ARNT2: variants seen among roughly 807,000 people sequenced by gnomAD.
The protein encoded by ARNT2 is aryl hydrocarbon receptor nuclear translocator 2, also known as ARNT protein 2.
Under a neutral mutation model 91.7 loss-of-function variants are expected in ARNT2, and 36 were observed. The observed-to-expected ratio is 0.39, with a 90% CI of 0.30 to 0.52. The LOEUF (loss-of-function observed/expected upper bound fraction) is 0.52, where lower values mean the gene tolerates loss of function less well. Ranked by LOEUF, ARNT2 falls within the 20% of genes least tolerant of loss-of-function variation. The pLI, the probability that ARNT2 is intolerant of heterozygous loss-of-function variation, is 0.72. For synonymous variants in ARNT2, 365 were observed against 347.1 expected (o/e 1.05, Z -0.57); for missense variants, 775 against 939.3 (o/e 0.83, Z 2.29).
intron 8 of ARNT2, among the ~76,000 whole-genome samples, chr15:80,540,616 A>T (rs999304464): frequency 6.6e-6 from 1 of 152,012 alleles, no homozygotes; most frequent in African/African-American, 2.4e-5. Flanking sequence ...TGAGTATAGT[A>T]CCCAATAGGT....
chr15:80,581,577 A>C (rs1898798682), intron 17 of ARNT2, among the ~76,000 whole-genome samples, 173 bp downstream of exon 17: 1 of 152,032 alleles, frequency 6.6e-6, no homozygotes, highest in East Asian at 1.9e-4. Flanking sequence ...TTCCTAAGAG[A>C]CTGGATGCTT....
intron 8 of ARNT2, among the ~76,000 whole-genome samples, chr15:80,524,020 T>C (rs1897594864): frequency 6.6e-6 from 1 of 152,182 alleles, no homozygotes; most frequent in Admixed American, 6.5e-5. Flanking sequence ...CTCCTTAGGA[T>C]AGTTCCAGAA....
At chr15:80,496,977 G>C (rs1450664758) in intron 5 of ARNT2, among the ~76,000 whole-genome samples, 3 of 152,152 alleles carry the variant, frequency 2.0e-5, no homozygotes, top group Non-Finnish European at 4.4e-5. Context: ...AGGCACCCTG[G>C]ACTAGGGGAC....
intron 2 of ARNT2, 117 bp downstream of exon 2, chr15:80,451,111 T>C: frequency 9.6e-7 from 1 of 1,046,974 alleles, no homozygotes; most frequent in Non-Finnish European, 1.4e-6. Context: ...GCAGTTTGCA[T>C]CCTGTTTAAC....
At chr15:80,412,097 T>G (rs2141554084) in intron 1 of ARNT2, among the ~76,000 whole-genome samples, 1 of 152,354 alleles carries the variant, frequency 6.6e-6, no homozygotes. Context: ...GATTGAATAG[T>G]GCAGGCTTTA....
At chr15:80,459,886 C>G (rs188576510) in intron 3 of ARNT2, among the ~76,000 whole-genome samples, 2 of 152,328 alleles carry the variant, frequency 1.3e-5, no homozygotes, top group African/African-American at 4.8e-5. Context: ...GGCTTAGCTG[C>G]TGGGCCCTCA....
At chr15:80,476,519 A>G (rs1034080606) in intron 5 of ARNT2, among the ~76,000 whole-genome samples, 1 of 152,190 alleles carries the variant, frequency 6.6e-6, no homozygotes, top group Admixed American at 6.5e-5. Flanking sequence ...TATGACAGAT[A>G]TATTTGTGTT....
intron 5 of ARNT2, among the ~76,000 whole-genome samples, chr15:80,503,690 C>A (rs1390543829): frequency 6.6e-6 from 1 of 152,220 alleles, no homozygotes; most frequent in East Asian, 1.9e-4. Flanking sequence ...AGGAGACAGA[C>A]AGGTGTCAAA....
chr15:80,435,118 T>G (rs542881335), intron 1 of ARNT2, among the ~76,000 whole-genome samples: 2 of 152,188 alleles, frequency 1.3e-5, no homozygotes, highest in African/African-American at 4.8e-5. Context: ...AATCCCTTAG[T>G]GTCTGCAGAT....
chr15:80,582,598 C>T (rs546270400), intron 17 of ARNT2, among the ~76,000 whole-genome samples: 16 of 152,300 alleles, frequency 1.1e-4, no homozygotes, highest in African/African-American at 3.1e-4. Flanking sequence ...AACAGCAGCA[C>T]GTCCGTCCCA....
At chr15:80,438,098 C>T (rs971871624) in intron 1 of ARNT2, among the ~76,000 whole-genome samples, 2 of 152,146 alleles carry the variant, frequency 1.3e-5, no homozygotes, top group African/African-American at 4.8e-5. Context: ...GAAAATATGA[C>T]ATTCTAACAA....
At chr15:80,499,101 A>C (rs1200630218) in intron 5 of ARNT2, among the ~76,000 whole-genome samples, 1 of 152,256 alleles carries the variant, frequency 6.6e-6, no homozygotes, top group Non-Finnish European at 1.5e-5. Flanking sequence ...CCATGCAGGC[A>C]GTAGGAGCTG....
chr15:80,528,112 C>T (rs1165292452), intron 8 of ARNT2, among the ~76,000 whole-genome samples: 6 of 152,076 alleles, frequency 3.9e-5, no homozygotes, highest in East Asian at 1.9e-4. Flanking sequence ...GGGCAGCAGC[C>T]GTGCACATGG....
At chr15:80,441,503 C>G (rs182300414) in intron 1 of ARNT2, 2 of 627,140 alleles carry the variant, frequency 3.2e-6, no homozygotes, top group Admixed American at 6.3e-5. Flanking sequence ...ATGGAAAGAG[C>G]CTTTTGGTTT....
At chr15:80,540,914 T>C (rs139980727) in intron 8 of ARNT2, among the ~76,000 whole-genome samples, 4 of 152,302 alleles carry the variant, frequency 2.6e-5, no homozygotes, top group Admixed American at 6.5e-5. Flanking sequence ...GCACCTAGAT[T>C]GATTTTATGT....
At position 80,514,361 on chromosome 15, in the gene ARNT2, C is replaced by G; in HGVS notation, c.833C>G (p.Ala278Gly). The G allele has an allele frequency of 6.2e-7, 1 of 1,614,224 alleles. No individual in the cohort carries two copies. Among genetic ancestry groups the G allele is most frequent in the Non-Finnish European group, 8.5e-7 (1 of 1,180,034 alleles). Residue 278 changes from alanine to glycine, a missense_variant, in exon 8 of 19, where the codon GCT becomes GGT. Ala to Gly is a moderately conservative substitution (Grantham distance 60, BLOSUM62 0). Coordinates refer to ENST00000303329, the MANE Select transcript of ARNT2 (RefSeq NM_014862.4). The stretch of plus-strand genomic sequence containing the variant: ...GTGAAAGAAGGAGAAGCCCAATATG[C>G]TGTGGTCCACTGTACAGGATACATC... ...GPVKEGEAQY[A>G]VVHCTGYIKA...
chr15:80,561,533 C>A (rs142090255), intron 11 of ARNT2, among the ~76,000 whole-genome samples: 1 of 152,304 alleles, frequency 6.6e-6, no homozygotes, highest in East Asian at 1.9e-4. Flanking sequence ...ATACAGCAGT[C>A]CCCCTTATCT....
intron 8 of ARNT2, among the ~76,000 whole-genome samples, chr15:80,529,052 A>G (rs372881035): frequency 2.6e-5 from 4 of 152,056 alleles, no homozygotes; most frequent in Admixed American, 6.5e-5. Context: ...GTTTTATTCT[A>G]TTTTATTTGT....
intron 6 of ARNT2, among the ~76,000 whole-genome samples, chr15:80,509,176 T>C (rs1897310875): frequency 1.3e-5 from 2 of 152,152 alleles, no homozygotes; most frequent in Non-Finnish European, 2.9e-5. Flanking sequence ...GTGTGGTGGC[T>C]CATGCCTGTA....
Sources: gnomAD v4.1 joint callset for allele counts (sites outside exome capture counted in the v4.1 genomes callset) on GRCh38, gnomAD v4.1.1 for gene constraint, MANE v1.5 for transcripts, NCBI Gene and HGNC (gene_info 2026-07-23, HGNC 2026-07-21) for gene names.